The following ABCC11 variants were observed in gnomAD, a reference collection of about 807,000 sequenced individuals.
ABCC11 encodes ATP binding cassette subfamily C member 11.
A neutral mutation model predicts 149.3 loss-of-function variants in ABCC11; 135 were observed. The observed-to-expected ratio is 0.90, with a 90% confidence interval of 0.79 to 1.04. The LOEUF is 1.04. ABCC11 is among the 50% of genes least tolerant of loss of function. The pLI is 0.00. For missense variants in ABCC11, 1,680 were observed against 1,722.1 expected, an observed-to-expected ratio of 0.98 and a Z score of 0.43; for synonymous variants, 665 against 671.4, an observed-to-expected ratio of 0.99 and a Z score of 0.15.
rs199519300 is a variant in ABCC11, at chr16:48,213,565, G to A, written c.1249-15C>T. ...ATGCTGAAGGCCTGGATAAGAAGGG[G>A]AGGAGGTGGTGAGGGTCGTGGCCCT... On this transcript the variant is annotated splice_polypyrimidine_tract_variant and intron_variant, in intron 9 of 29. Coordinates refer to ENST00000356608, the MANE Select transcript of ABCC11 (RefSeq NM_001370497.1). 174 of 1,600,726 alleles carry A rather than the reference G, an allele frequency of 1.1e-4. No homozygotes were observed. In the African/African-American group the frequency reaches 1.7e-3, roughly 15 times the overall value.
intron 12 of ABCC11, among the ~76,000 whole-genome samples, chr16:48,207,010 A>G (rs1244742763): frequency 1.3e-5 from 2 of 152,196 alleles, no homozygotes; most frequent in South Asian, 2.1e-4. Flanking sequence ...GCCATTCCAC[A>G]TGCAGCACGT....
intron 10 of ABCC11, among the ~76,000 whole-genome samples, chr16:48,211,734 T>C (rs935884978): frequency 6.6e-6 from 1 of 152,118 alleles, no homozygotes; most frequent in African/African-American, 2.4e-5. Flanking sequence ...TCTGTCCGTG[T>C]CCCACACTGG....
rs776842435 is a variant in ABCC11, at chr16:48,215,202, A to G, written c.1094T>C (p.Ile365Thr). The G allele has an allele frequency of 3.1e-5, 50 of 1,607,908 alleles. No individual in the cohort carries two copies. Among genetic ancestry groups the G allele is most frequent in the Middle Eastern group, 1.7e-4 (1 of 6,048 alleles). ...YTWEKPFAKI[I>T]EDLRRKERKL... is the part of the protein sequence containing the mutation. ...GAAAGTCAGACTTTCCATACCTTCA[A>G]TGATTTTTGCAAATGGTTTCTCCCA... is the stretch of plus-strand genomic sequence containing the variant. Residue 365 changes from isoleucine (I) to threonine (T), a missense_variant, in exon 8 of 30, where the codon ATT (isoleucine) becomes ACT (threonine). Ile to Thr is a moderately conservative substitution (Grantham distance 89). Transcript: ENST00000356608.
At position 48,197,951 on chromosome 16, in the gene ABCC11, C is replaced by T. The variant is rs903736944; in HGVS notation, c.2314+20G>A. ...CAGGCAGGCATGCAGACATTCTTGT[C>T]CTATCTCCCACACCATTACCAGCAT... On this transcript the variant is annotated intron_variant, in intron 17 of 29. Coordinates refer to ENST00000356608, the MANE Select transcript of ABCC11 (RefSeq NM_001370497.1). The T allele has an allele frequency of 9.3e-6, 15 of 1,612,404 alleles. No homozygotes were observed. Among genetic ancestry groups the T allele is most frequent in the Middle Eastern group, 1.8e-4 (1 of 5,484 alleles).
intron 12 of ABCC11, among the ~76,000 whole-genome samples, chr16:48,207,160 G>C (rs1968517222): frequency 6.6e-6 from 1 of 152,128 alleles, no homozygotes; most frequent in Admixed American, 6.6e-5. Context: ...AGTGTTGGGG[G>C]AACAAGGGAC....
intron 1 of ABCC11, among the ~76,000 whole-genome samples, chr16:48,233,423 T>C (rs1970529879): frequency 6.6e-6 from 1 of 152,192 alleles, no homozygotes; most frequent in Admixed American, 6.5e-5. Context: ...CACCAGGCCA[T>C]AGGCTTACTT....
chr16:48,244,511 G>A (rs1971226879), intron 1 of ABCC11: 2 of 1,592,358 alleles, frequency 1.3e-6, no homozygotes, highest in Non-Finnish European at 1.7e-6. Flanking sequence ...ACCTGCAGCT[G>A]GTGCGGAGCC....
Position 48,205,397 on chromosome 16 carries a change from C to T in ABCC11, c.1805+16G>A, listed in dbSNP as rs1217512223. On this transcript the variant is annotated intron_variant, in intron 13 of 29. Coordinates refer to ENST00000356608, the MANE Select transcript of ABCC11 (RefSeq NM_001370497.1). ...CACATGCCCTGTACTCTCCCTTTCC[C>T]CTCCCAGGAGCTTACCGGGCCTTGT... 1.2e-6 allele frequency: 2 copies of T among 1,613,982 alleles called. No homozygotes were observed. Among genetic ancestry groups the T allele is most frequent in the East Asian group, 4.5e-5 (2 of 44,902 alleles).
intron 13 of ABCC11, among the ~76,000 whole-genome samples, chr16:48,203,569 C>T (rs574131614): frequency 6.6e-6 from 1 of 152,236 alleles, no homozygotes; most frequent in African/African-American, 2.4e-5. Context: ...TTGCTTTTCT[C>T]AAAAGCAGTC....
rs924234058 is a variant in ABCC11 at position 48,200,496 on chromosome 16, A to G, written c.1879-17T>C. 6 of 1,612,560 alleles carry G rather than the reference A, an allele frequency of 3.7e-6. No homozygotes were observed. Among genetic ancestry groups the G allele is most frequent in the South Asian group, 1.1e-5 (1 of 90,844 alleles). On this transcript the variant is annotated splice_polypyrimidine_tract_variant and intron_variant, in intron 14 of 29. Coordinates refer to ENST00000356608, the MANE Select transcript of ABCC11 (RefSeq NM_001370497.1). ...CTCTCCAATCTGCAGACAGGCAGTAAAAGGCACCATGTCCAGACAGCAAGC... is the reference window on the plus strand; with the variant it reads ...CTCTCCAATCTGCAGACAGGCAGTAGAAGGCACCATGTCCAGACAGCAAGC...
chr16:48,187,947 A>T (rs1345353467), intron 20 of ABCC11, among the ~76,000 whole-genome samples: 1 of 152,112 alleles, frequency 6.6e-6, no homozygotes, highest in Non-Finnish European at 1.5e-5. Flanking sequence ...CACTTTCCAT[A>T]AGACAGGCCC....
rs1965327690 is a variant in ABCC11 at position 48,166,128 on chromosome 16, G to C, written c.*1146C>G. ...GGTGAAACAACCTCTTCTATTCTCA[G>C]TCTACATGATCTAGGGCAGCAAATC... is the stretch of plus-strand genomic sequence containing the variant. On this transcript the variant is annotated 3_prime_UTR_variant, in exon 30 of 30. Coordinates refer to ENST00000356608, the MANE Select transcript of ABCC11 (RefSeq NM_001370497.1). Among the ~76,000 whole-genome samples the C allele has an allele frequency of 6.6e-6, 1 of 152,166 alleles. No individual in the cohort carries two copies. The highest frequency in any genetic ancestry group is 1.5e-5 in the Non-Finnish European group (1 of 68,040).
At chr16:48,176,654 C>T (rs1040369741) in intron 25 of ABCC11, among the ~76,000 whole-genome samples, 5 of 152,154 alleles carry the variant, frequency 3.3e-5, no homozygotes, top group African/African-American at 1.2e-4. Flanking sequence ...ATTCTGCATA[C>T]CACCCTGTGG....
At chr16:48,202,497 G>C (rs1007749648) in intron 14 of ABCC11, among the ~76,000 whole-genome samples, 1 of 151,964 alleles carries the variant, frequency 6.6e-6, no homozygotes, top group African/African-American at 2.4e-5. Flanking sequence ...TGTAATCCCA[G>C]CTACTCAGGA....
chr16:48,172,170 G>A (rs769433009), intron 26 of ABCC11, among the ~76,000 whole-genome samples: 1 of 151,964 alleles, frequency 6.6e-6, no homozygotes. Context: ...CTTTCACTTC[G>A]TGTCCATCCA....
chr16:48,230,404 C>G (rs1198237070), intron 3 of ABCC11, 33 bp downstream of exon 3: 2 of 1,548,878 alleles, frequency 1.3e-6, no homozygotes, highest in Non-Finnish European at 1.7e-6. Context: ...CTGGTGGATA[C>G]AGCTCTCTCC....
At chr16:48,230,606 C>A in intron 2 of ABCC11, 33 bp from the exon 3 acceptor site, 1 of 1,523,962 alleles carries the variant, frequency 6.6e-7, no homozygotes, top group Non-Finnish European at 8.8e-7. Context: ...GCATCAGTTT[C>A]AAATCTCGTA....
chr16:48,181,436 G>A (rs530710908), intron 23 of ABCC11, among the ~76,000 whole-genome samples: 25 of 152,246 alleles, frequency 1.6e-4, no homozygotes, highest in Non-Finnish European at 3.7e-4. Context: ...TCTACTCTAG[G>A]TTTTTACAAA....
intron 17 of ABCC11, 97 bp downstream of exon 17, chr16:48,197,874 G>A (rs1472705703): frequency 3.8e-6 from 5 of 1,302,974 alleles, no homozygotes; most frequent in Non-Finnish European, 5.4e-6. Context: ...GACACTGAGG[G>A]ACATGGCCCA....
Sources: gnomAD v4.1 joint callset for allele counts (sites outside exome capture counted in the v4.1 genomes callset) on GRCh38, gnomAD v4.1.1 for gene constraint, MANE v1.5 for transcripts, NCBI Gene and HGNC (gene_info 2026-07-23, HGNC 2026-07-21) for gene names.